ZNF385D: variants seen among roughly 807,000 people sequenced by gnomAD.
ZNF385D encodes the protein zinc finger protein 385D.
In ZNF385D, 15 loss-of-function variants were observed where a neutral mutation model predicts 35.8. The observed-to-expected ratio is 0.42, with a 90% CI of 0.28 to 0.64. The LOEUF (loss-of-function observed/expected upper bound fraction) is 0.64. Among genes scored for constraint, ZNF385D ranks in the 30% least tolerant of loss-of-function variants. ZNF385D has a pLI of 0.23. For missense variants in ZNF385D, 474 were observed against 494.6 expected (o/e 0.96, Z 0.39); for synonymous variants, 212 against 186.8 (o/e 1.13, Z -1.10).
chr3:21,978,234 G>A (rs1288277029), intron 3 of ZNF385D: 1 of 152,204 alleles, frequency 6.6e-6, no homozygotes. Context: ...CTTGAGAGCA[G>A]TGTCTGTTTC....
chr3:21,819,830 AAATAT>A (rs1206509797), intron 3 of ZNF385D, among the ~76,000 whole-genome samples: 2 of 147,870 alleles, frequency 1.4e-5, no homozygotes, highest in African/African-American at 4.9e-5. Context: ...AATATGATAC[AAATAT>A]AATACACATA....
chr3:22,022,324 T>G (rs1440837305), intron 3 of ZNF385D, among the ~76,000 whole-genome samples: 5 of 152,138 alleles, frequency 3.3e-5, no homozygotes, highest in African/African-American at 1.2e-4. Flanking sequence ...ACTGAATTAA[T>G]GTATTGTACT....
chr3:21,671,280 T>C (rs2066569255), intron 1 of ZNF385D, among the ~76,000 whole-genome samples: 1 of 152,048 alleles, frequency 6.6e-6, no homozygotes, highest in African/African-American at 2.4e-5. Flanking sequence ...CAAACGTTTA[T>C]GAAAAATAAA....
intron 2 of ZNF385D, among the ~76,000 whole-genome samples, chr3:22,211,381 C>A (rs761923748): frequency 9.2e-5 from 14 of 151,928 alleles, no homozygotes; most frequent in Admixed American, 5.9e-4. Context: ...GTTCCCTGAG[C>A]CCTCCTGAGT....
chr3:21,830,866 A>G (rs1440402961), intron 3 of ZNF385D, among the ~76,000 whole-genome samples: 3 of 152,196 alleles, frequency 2.0e-5, no homozygotes, highest in Non-Finnish European at 4.4e-5. Flanking sequence ...CCAGAGGAAA[A>G]CATTTATGCC....
intron 3 of ZNF385D, among the ~76,000 whole-genome samples, chr3:22,156,330 T>C (rs189475179): frequency 6.6e-6 from 1 of 152,044 alleles, no homozygotes. Context: ...TAAAACTTGA[T>C]GGTCAGAATG....
chr3:21,539,499 C>A lies in ZNF385D; in HGVS notation c.276+25075G>T, dbSNP rs149267. 1.3e-5 allele frequency among the ~76,000 whole-genome samples: 2 copies of A among 151,874 alleles called. No homozygotes were observed. Among genetic ancestry groups the A allele is most frequent in the African/African-American group, 2.4e-5 (1 of 41,322 alleles). ...TAGGCCTTTTAATAGAAGGACATGACTTCTAATTAAATCCACATTATTCAG... is the reference window on the plus strand; with the variant it reads ...TAGGCCTTTTAATAGAAGGACATGAATTCTAATTAAATCCACATTATTCAG... On this transcript the variant is annotated intron_variant, in intron 3 of 7. Transcript: ENST00000281523. The surrounding 1 kb of genome is among the most constrained non-coding windows in gnomAD (Gnocchi z 4.0).
At chr3:21,840,540 T>C (rs1695600183) in intron 3 of ZNF385D, among the ~76,000 whole-genome samples, 1 of 148,768 alleles carries the variant, frequency 6.7e-6, no homozygotes, top group Non-Finnish European at 1.5e-5. Context: ...TTTTGTGCTT[T>C]ATGGGCAACT....
chr3:21,841,445 AGTC>A (rs1201220003), intron 3 of ZNF385D, among the ~76,000 whole-genome samples: 2 of 151,900 alleles, frequency 1.3e-5, no homozygotes, highest in African/African-American at 4.8e-5. Context: ...TTTTAAAAAA[AGTC>A]AGACTACTGT....
At chr3:21,869,939 G>A (rs1189947732) in intron 3 of ZNF385D, among the ~76,000 whole-genome samples, 1 of 151,972 alleles carries the variant, frequency 6.6e-6, no homozygotes, top group Non-Finnish European at 1.5e-5. Context: ...GATTAAAATT[G>A]ATTAAAGAAG....
At chr3:22,130,909 TTTTTA>T (rs1334319597) in intron 3 of ZNF385D, among the ~76,000 whole-genome samples, 2 of 152,158 alleles carry the variant, frequency 1.3e-5, no homozygotes, top group Non-Finnish European at 2.9e-5. Flanking sequence ...TATTTATTTA[TTTTTA>T]TTTATCACAT....
intron 2 of ZNF385D, among the ~76,000 whole-genome samples, chr3:22,250,955 C>A (rs1161190463): frequency 1.3e-5 from 2 of 152,022 alleles, no homozygotes; most frequent in African/African-American, 4.8e-5. Flanking sequence ...TGGGTTTTCA[C>A]GTTTCTCTGC....
rs76842564 is a variant in ZNF385D at position 21,440,253 on chromosome 3, A to G, written c.440-3050T>C. On this transcript the variant is annotated intron_variant, in intron 4 of 7. Coordinates refer to ENST00000281523, the MANE Select transcript of ZNF385D (RefSeq NM_024697.3). Reference sequence around the variant, plus strand: ...ATAATTATTGTCCACACATTAAAATAGAATCTTAAATGAATGATAATGTTA... The same window carrying G: ...ATAATTATTGTCCACACATTAAAATGGAATCTTAAATGAATGATAATGTTA... Among the ~76,000 whole-genome samples, 952 of 152,268 alleles carry G rather than the reference A, an allele frequency of 6.3e-3. 6 individuals are homozygous for G. The highest frequency in any genetic ancestry group is 0.022 in the African/African-American group (909 of 41,574).
rs146930440 is a variant in ZNF385D at position 22,147,139 on chromosome 3, C to T, written c.325+21678G>A. ...AAGAGACCAAATAAATAATTTAGAA[C>T]AAGTACTAGGGATATAGCCATGGTG... On this transcript the variant is annotated intron_variant, in intron 3 of 5. Transcript: ENST00000494108. Among the ~76,000 whole-genome samples the T allele has an allele frequency of 5.5e-3, 845 of 152,260 alleles. 13 individuals are homozygous for T. Among genetic ancestry groups the T allele is most frequent in the Non-Finnish European group, 6.3e-3 (429 of 68,006 alleles).
chr3:21,925,769 C>T (rs1444370717), intron 3 of ZNF385D, among the ~76,000 whole-genome samples: 4 of 151,826 alleles, frequency 2.6e-5, no homozygotes, highest in Non-Finnish European at 4.4e-5. Flanking sequence ...AATGAACTTT[C>T]AAAACTTGAC....
chr3:22,163,941 C>T (rs1706135668), intron 3 of ZNF385D, among the ~76,000 whole-genome samples: 1 of 152,150 alleles, frequency 6.6e-6, no homozygotes, highest in Non-Finnish European at 1.5e-5. Flanking sequence ...ATTATTTGTA[C>T]AAATCAACAT....
Position 21,498,956 on chromosome 3 carries a change from A to G in ZNF385D, c.439+11905T>C, listed in dbSNP as rs1706146814. Reference sequence around the variant, plus strand: ...GCAAGACTCCATCTCAAAAAAAAAAAAAAAAAAAAAAAAAGTCAAAAAATA... The same window carrying G: ...GCAAGACTCCATCTCAAAAAAAAAAGAAAAAAAAAAAAAAGTCAAAAAATA... On this transcript the variant is annotated intron_variant, in intron 4 of 7. Coordinates refer to ENST00000281523, the MANE Select transcript of ZNF385D (RefSeq NM_024697.3). Among the ~76,000 whole-genome samples, 3 of 151,252 alleles carry G rather than the reference A, an allele frequency of 2.0e-5. No homozygotes were observed. In the South Asian group the frequency reaches 6.2e-4, roughly 31 times the overall value.
At chr3:22,098,299 A>G (rs1005528474) in intron 3 of ZNF385D, among the ~76,000 whole-genome samples, 1 of 151,940 alleles carries the variant, frequency 6.6e-6, no homozygotes, top group East Asian at 1.9e-4. Flanking sequence ...TGCTCTGGGA[A>G]GAATCAGACC....
At chr3:21,921,613 G>T (rs961283445) in intron 3 of ZNF385D, among the ~76,000 whole-genome samples, 2 of 152,004 alleles carry the variant, frequency 1.3e-5, no homozygotes, top group Admixed American at 6.6e-5. Context: ...AAATGCAGTA[G>T]ATGGAGAAAA....
Sources: allele counts gnomAD v4.1 joint callset (sites outside exome capture counted in the v4.1 genomes callset), GRCh38; gene constraint gnomAD v4.1.1; non-coding constraint Gnocchi (gnomAD v3.1); transcripts MANE v1.5; gene names NCBI Gene and HGNC (gene_info 2026-07-23, HGNC 2026-07-21).